The following CACNA2D4 variants were observed in gnomAD, a reference collection of about 807,000 sequenced individuals.
CACNA2D4 encodes voltage-dependent calcium channel subunit alpha-2/delta-4.
CACNA2D4 carries 157 observed loss-of-function variants against 163.8 expected under a neutral mutation model. The ratio of observed to expected loss-of-function variants is 0.96; its 90% CI spans 0.84 to 1.09. CACNA2D4 has a LOEUF of 1.09. CACNA2D4 is among the 50% of genes least tolerant of loss of function. The pLI, the probability that CACNA2D4 is intolerant of heterozygous loss-of-function variation, is 0.00. For missense variants in CACNA2D4, 1,410 were observed against 1,479.9 expected, an observed-to-expected ratio of 0.95 and a Z score of 0.78; for synonymous variants, 598 against 586.9, an observed-to-expected ratio of 1.02 and a Z score of -0.27.
At chr12:1,810,998 C>T (rs1255242614) in intron 27 of CACNA2D4, among the ~76,000 whole-genome samples, 4 of 152,140 alleles carry the variant, frequency 2.6e-5, no homozygotes, top group Non-Finnish European at 5.9e-5. Flanking sequence ...GGGGAGGGGA[C>T]TTTGTGGGCT....
intron 2 of CACNA2D4, among the ~76,000 whole-genome samples, chr12:1,913,601 C>T (rs1008444030): frequency 6.6e-6 from 1 of 152,222 alleles, no homozygotes; most frequent in Admixed American, 6.5e-5. Flanking sequence ...AAAGTGCCCC[C>T]GTGCACATGG....
chr12:1,881,970 A>G (rs1000117153), intron 13 of CACNA2D4, among the ~76,000 whole-genome samples: 1 of 152,242 alleles, frequency 6.6e-6, no homozygotes, highest in African/African-American at 2.4e-5. Context: ...CTCCTTTGTC[A>G]GCACAGGGAC....
intron 18 of CACNA2D4, among the ~76,000 whole-genome samples, chr12:1,864,934 T>G (rs549746698): frequency 1.3e-5 from 2 of 152,052 alleles, no homozygotes; most frequent in African/African-American, 4.8e-5. Flanking sequence ...CCTGCATTCA[T>G]CCCCAACCGG....
chr12:1,909,830 C>A (rs1189206130), intron 4 of CACNA2D4, 76 bp downstream of exon 4: 26 of 1,315,960 alleles, frequency 2.0e-5, no homozygotes, highest in Non-Finnish European at 2.8e-5. Flanking sequence ...TACGCCGCCA[C>A]CCTATGCCGC....
In CACNA2D4 at chr12:1,834,767, C is replaced by T. The variant is rs145529491; in HGVS notation, c.2551+5972G>A. The stretch of plus-strand genomic sequence containing the variant: ...AGGTAGGAAGGGCGGGGAGAGCACA[C>T]GGCATTGCTCAGCCACAGCTCCCAC... On this transcript the variant is annotated intron_variant, in intron 26 of 37. Transcript: ENST00000382722. The surrounding 1 kb of genome is among the most constrained non-coding windows in gnomAD (Gnocchi z 7.6). 2.2e-4 allele frequency: 332 copies of T among 1,530,334 alleles called. 1 individual carries two copies. The African/African-American group carries it at 3.5e-3, about 16-fold the overall frequency. The allele number at this position is 1,530,334 out of a possible 1,614,324, so 94.8% of individuals were successfully genotyped here.
At chr12:1,886,145 G>C in intron 8 of CACNA2D4, 78 bp downstream of exon 8, 2 of 1,566,916 alleles carry the variant, frequency 1.3e-6, no homozygotes, top group East Asian at 2.2e-5. Context: ...GGTGGTCAGG[G>C]GTTGTGGGTC....
intron 18 of CACNA2D4, among the ~76,000 whole-genome samples, chr12:1,871,571 A>C (rs1191637170): frequency 6.8e-6 from 1 of 147,672 alleles, no homozygotes; most frequent in East Asian, 2.0e-4. Flanking sequence ...TGGTGTGTGT[A>C]CGTGTGTGTT....
intron 6 of CACNA2D4, among the ~76,000 whole-genome samples, chr12:1,894,578 G>T (rs1866358957): frequency 6.6e-6 from 1 of 151,894 alleles, no homozygotes; most frequent in Non-Finnish European, 1.5e-5. Flanking sequence ...TGCAAGGATG[G>T]TTCAACATAT....
chr12:1,912,806 C>A (rs1345816862), intron 3 of CACNA2D4, among the ~76,000 whole-genome samples: 1 of 152,206 alleles, frequency 6.6e-6, no homozygotes, highest in African/African-American at 2.4e-5. Flanking sequence ...CTGATCCCAG[C>A]CCCTCCCCTC....
rs1161736610 is a variant in CACNA2D4 at position 1,875,799 on chromosome 12, G to A, written c.1720-462C>T. ...ACTGCTCCAACTGAGTTTGCCCGGT[G>A]TGCAGGTGCCTCAGCTCCCTCTGAA... On this transcript the variant is annotated intron_variant, in intron 16 of 37. Coordinates refer to ENST00000382722, the MANE Select transcript of CACNA2D4 (RefSeq NM_172364.5). The surrounding 1 kb of genome is among the most constrained non-coding windows in gnomAD (Gnocchi z 4.0). 2.0e-5 allele frequency among the ~76,000 whole-genome samples: 3 copies of A among 152,252 alleles called. No individual in the cohort carries two copies. Among genetic ancestry groups the A allele is most frequent in the Admixed American group, 6.5e-5 (1 of 15,288 alleles).
intron 27 of CACNA2D4, 53 bp downstream of exon 27, chr12:1,811,609 C>T: frequency 1.3e-6 from 2 of 1,533,786 alleles, no homozygotes; most frequent in Non-Finnish European, 1.8e-6. Flanking sequence ...GGTCTCACAC[C>T]CAGGGGAGCG....
chr12:1,862,484 T>A (rs1275722998), intron 18 of CACNA2D4, among the ~76,000 whole-genome samples: 1 of 152,168 alleles, frequency 6.6e-6, no homozygotes, highest in African/African-American at 2.4e-5. Context: ...CGCCAGGCTG[T>A]CTCACTGCAG....
intron 9 of CACNA2D4, among the ~76,000 whole-genome samples, chr12:1,885,296 C>T (rs1424068779): frequency 3.3e-5 from 5 of 152,178 alleles, no homozygotes; most frequent in African/African-American, 1.2e-4. Flanking sequence ...TGGTACACAT[C>T]CATGGCCACT....
chr12:1,895,670 G>C (rs1866385932), intron 6 of CACNA2D4, among the ~76,000 whole-genome samples: 1 of 152,024 alleles, frequency 6.6e-6, no homozygotes, highest in African/African-American at 2.4e-5. Flanking sequence ...GTCTTGCTCT[G>C]CCACCCAGGC....
intron 29 of CACNA2D4, among the ~76,000 whole-genome samples, chr12:1,807,007 C>T (rs1383007419): frequency 6.6e-6 from 1 of 151,982 alleles, no homozygotes; most frequent in East Asian, 1.9e-4. Context: ...TCACAATGAT[C>T]CCGGCCTCCT....
rs1022581535 is a variant in CACNA2D4 at position 1,799,430 on chromosome 12, C to G, written c.2995+245G>C. On this transcript the variant is annotated intron_variant, in intron 34 of 37. Transcript: ENST00000382722. This position sits in a 1 kb window ranked among gnomAD's most constrained non-coding sequence, Gnocchi z 4.7. ...CCACCGGCTTCCTCTTGGAATCTTA[C>G]GTGTTCTCACCCAAGGGGAGGCTGG... 6.6e-6 allele frequency among the ~76,000 whole-genome samples: 1 copy of G among 152,216 alleles called. No individual in the cohort carries two copies. The highest frequency in any genetic ancestry group is 1.5e-5 in the Non-Finnish European group (1 of 68,030).
intron 34 of CACNA2D4, 77 bp from the exon 35 acceptor site, chr12:1,797,612 C>T (rs1863174053): frequency 9.6e-7 from 1 of 1,039,720 alleles, no homozygotes; most frequent in Non-Finnish European, 1.4e-6. Context: ...ACTCCCAGGG[C>T]CAGAGTTCAC....
At chr12:1,856,598 C>T (rs1199562889) in intron 20 of CACNA2D4, among the ~76,000 whole-genome samples, 1 of 152,216 alleles carries the variant, frequency 6.6e-6, no homozygotes, top group Non-Finnish European at 1.5e-5. Context: ...TTCTGCCAGA[C>T]AGCAGCTCCC....
At chr12:1,831,584 C>A in intron 26 of CACNA2D4, 2 of 1,396,914 alleles carry the variant, frequency 1.4e-6, no homozygotes, top group Admixed American at 1.9e-5. Context: ...TCTGGCCCCA[C>A]ACTTTCCTCC....
Sources: allele counts gnomAD v4.1 joint callset (sites outside exome capture counted in the v4.1 genomes callset), GRCh38; gene constraint gnomAD v4.1.1; non-coding constraint Gnocchi (gnomAD v3.1); transcripts MANE v1.5; gene names NCBI Gene and HGNC (gene_info 2026-07-23, HGNC 2026-07-21).